The following CCDC158 variants were observed in gnomAD, a reference collection of about 807,000 sequenced individuals.
CCDC158 encodes coiled-coil domain containing 158.
CCDC158 carries 116 observed loss-of-function variants against 138.6 expected under a neutral mutation model. That is an observed-to-expected ratio of 0.84 (90% CI 0.72 to 0.98). The LOEUF (loss-of-function observed/expected upper bound fraction) is 0.98, where lower values mean the gene tolerates loss of function less well. Among genes scored for constraint, CCDC158 ranks in the 50% least tolerant of loss-of-function variants. The pLI, the probability that CCDC158 is intolerant of heterozygous loss-of-function variation, is 0.00. For synonymous variants in CCDC158, 436 were observed against 442.4 expected (o/e 0.99, Z 0.18); for missense variants, 1,265 against 1,306.1 (o/e 0.97, Z 0.48).
intron 24 of CCDC158, among the ~76,000 whole-genome samples, chr4:76,318,926 G>A (rs184989485): frequency 3.3e-3 from 505 of 151,720 alleles, no homozygotes; most frequent in Non-Finnish European, 5.0e-3. Flanking sequence ...TCAAGAGTTC[G>A]AGACCAGCCT....
At chr4:76,402,375 T>G (rs1234460963) in intron 3 of CCDC158, among the ~76,000 whole-genome samples, 1 of 152,228 alleles carries the variant, frequency 6.6e-6, no homozygotes, top group Non-Finnish European at 1.5e-5. Context: ...GTCCTCTCAC[T>G]GTCTCAGATG....
In CCDC158 at chr4:76,382,712, T is replaced by A; in HGVS notation, c.812A>T (p.Gln271Leu). ...TTCAACTTCATGTTCACTTATTAACTGCTCAATCCTATAAAAAGAATGTGG... is the reference window on the plus strand; with the variant it reads ...TTCAACTTCATGTTCACTTATTAACAGCTCAATCCTATAAAAAGAATGTGG... ...LLQQHQDRIE[Q>L]LISEHEVEIT... The change falls in exon 8 of 25, where the codon CAG becomes CTG. Residue 271 changes from glutamine to leucine, a missense_variant. Physicochemically the swap from Gln to Leu is moderately radical, Grantham distance 113 (BLOSUM62 -2). Transcript: ENST00000682701. 4 of 1,602,114 alleles carry A rather than the reference T, an allele frequency of 2.5e-6. No homozygotes were observed. Among genetic ancestry groups the A allele is most frequent in the Admixed American group, 1.7e-5 (1 of 59,736 alleles).
chr4:76,369,381 C>T, intron 11 of CCDC158, 45 bp downstream of exon 11: 3 of 1,578,932 alleles, frequency 1.9e-6, no homozygotes, highest in Non-Finnish European at 2.6e-6. Context: ...TTTATTTCCC[C>T]AGAGGAGATT....
intron 11 of CCDC158, among the ~76,000 whole-genome samples, chr4:76,368,240 G>T (rs1450316087): frequency 6.6e-6 from 1 of 151,974 alleles, no homozygotes; most frequent in African/African-American, 2.4e-5. Context: ...CCCTGGCAAT[G>T]GGGGGAAGGG....
chr4:76,367,146 C>T, intron 12 of CCDC158, 148 bp downstream of exon 12: 1 of 834,750 alleles, frequency 1.2e-6, no homozygotes, highest in South Asian at 2.0e-5. Flanking sequence ...TTTATCCTTT[C>T]TCACAAAAAC....
At chr4:76,381,685 A>G (rs1392171600) in intron 8 of CCDC158, among the ~76,000 whole-genome samples, 3 of 151,742 alleles carry the variant, frequency 2.0e-5, no homozygotes, top group Admixed American at 2.0e-4. Flanking sequence ...GGATAATTAT[A>G]TTTTTTTTAT....
At chr4:76,316,207 A>C (rs1265739998) in intron 24 of CCDC158, among the ~76,000 whole-genome samples, 1 of 152,236 alleles carries the variant, frequency 6.6e-6, no homozygotes, top group African/African-American at 2.4e-5. Context: ...AAGAAATCTA[A>C]GAAACAATAC....
chr4:76,407,926 T>C lies in CCDC158; in HGVS notation c.-74+4164A>G, dbSNP rs187391013. On this transcript the variant is annotated intron_variant, in intron 2 of 24. Transcript: ENST00000682701. ...GCTTGCGTTATTCATCATAACTCAC[T>C]ATGAATGCTTGTGTTATTCATAACA... Among the ~76,000 whole-genome samples, 10 of 152,298 alleles carry C rather than the reference T, an allele frequency of 6.6e-5. No homozygotes were observed. The East Asian group carries it at 1.9e-3, about 29-fold the overall frequency.
intron 19 of CCDC158, 65 bp downstream of exon 19, chr4:76,333,945 T>C: frequency 2.5e-6 from 3 of 1,205,340 alleles, no homozygotes; most frequent in East Asian, 4.9e-5. Context: ...GAGTAACATG[T>C]GAATAACTCA....
intron 9 of CCDC158, chr4:76,375,837 A>G (rs1725668362): frequency 2.1e-6 from 1 of 477,972 alleles, no homozygotes; most frequent in Admixed American, 3.9e-5. Flanking sequence ...GTTAATCTGA[A>G]GAGAAATATT....
chr4:76,338,438 G>T (rs1186452770), intron 18 of CCDC158, among the ~76,000 whole-genome samples: 1 of 152,164 alleles, frequency 6.6e-6, no homozygotes. Context: ...CTTGAACCTG[G>T]GAGGCAGAGG....
At chr4:76,340,848 G>T (rs1721980125) in intron 18 of CCDC158, among the ~76,000 whole-genome samples, 1 of 152,118 alleles carries the variant, frequency 6.6e-6, no homozygotes, top group Admixed American at 6.6e-5. Context: ...GCCTCAACCT[G>T]TTCCATGGAA....
At chr4:76,360,724 T>C (rs1724049588) in intron 13 of CCDC158, among the ~76,000 whole-genome samples, 1 of 152,220 alleles carries the variant, frequency 6.6e-6, no homozygotes, top group African/African-American at 2.4e-5. Context: ...GTACCCTCCA[T>C]GTATCTTGGA....
intron 2 of CCDC158, among the ~76,000 whole-genome samples, chr4:76,409,936 C>T (rs1023955742): frequency 1.8e-4 from 28 of 151,384 alleles, no homozygotes; most frequent in Non-Finnish European, 7.4e-5. Flanking sequence ...TAAGAAACCA[C>T]AGACCACAAA....
In CCDC158 at chr4:76,384,216, A is replaced by T; in HGVS notation, c.598T>A (p.Ser200Thr). The stretch of plus-strand genomic sequence containing the variant: ...TCATGTTCACATATTTTTTTGCCTG[A>T]GGCTTCTTCAAAGTCAACTAGGATT... ...RSILVDFEEA[S>T]GKKICEHDSM... The change falls in exon 6 of 25, where the codon TCA becomes ACA. Residue 200 changes from serine to threonine, a missense_variant. By Grantham distance (58) the Ser-to-Thr change is moderately conservative. Transcript: ENST00000682701. 6.2e-7 allele frequency: 1 copy of T among 1,614,146 alleles called. No homozygotes were observed. The highest frequency in any genetic ancestry group is 8.5e-7 in the Non-Finnish European group (1 of 1,180,004).
In CCDC158 at chr4:76,332,442, T is replaced by C. The variant is rs148635846; in HGVS notation, c.2872A>G (p.Met958Val). The change falls in exon 20 of 25, where the codon ATG becomes GTG. Residue 958 changes from methionine (M) to valine (V), a missense_variant. Met to Val is a conservative substitution (Grantham distance 21). Transcript: ENST00000682701. ...CITESSLRSD[M>V]CHRSNNSLRD... ...TCAGATTCTTCTTACCTATGGCACA[T>C]GTCTGATCTCAGGCTGGATTCAGTA... is the stretch of plus-strand genomic sequence containing the variant. 7.6e-4 allele frequency: 1,230 copies of C among 1,610,484 alleles called. 10 individuals are homozygous for C. The African/African-American group carries it at 0.015, about 19-fold the overall frequency.
At chr4:76,329,546 TG>T (rs1313889763) in intron 21 of CCDC158, among the ~76,000 whole-genome samples, 3 of 152,116 alleles carry the variant, frequency 2.0e-5, no homozygotes, top group African/African-American at 7.2e-5. Context: ...ATCACGCCAT[TG>T]CACTCCAGCC....
chr4:76,352,600 T>C (rs903992447), intron 16 of CCDC158: 2 of 152,178 alleles, frequency 1.3e-5, no homozygotes, highest in Admixed American at 1.3e-4. Flanking sequence ...AGTTTCTAGG[T>C]GACAGGAAGG....
intron 18 of CCDC158, among the ~76,000 whole-genome samples, chr4:76,341,479 C>T (rs6532360): frequency 0.85 from 130,117 of 152,208 alleles, 55,734 homozygotes; most frequent in South Asian, 0.94. Context: ...AAAAAAGTTA[C>T]GAAGCATTGC....
Sources: gnomAD v4.1 joint callset for allele counts (sites outside exome capture counted in the v4.1 genomes callset) on GRCh38, gnomAD v4.1.1 for gene constraint, MANE v1.5 for transcripts, NCBI Gene and HGNC (gene_info 2026-07-23, HGNC 2026-07-21) for gene names.